The following LRRK2 variants were observed in gnomAD, a reference collection of about 807,000 sequenced individuals.
The protein encoded by LRRK2 is leucine rich repeat kinase 2.
Under a neutral mutation model 302.6 loss-of-function variants are expected in LRRK2, and 203 were observed. The ratio of observed to expected loss-of-function variants is 0.67; its 90% CI spans 0.60 to 0.75. The LOEUF (loss-of-function observed/expected upper bound fraction) is 0.75, where lower values mean the gene tolerates loss of function less well. Among genes scored for constraint, LRRK2 ranks in the 30% least tolerant of loss-of-function variants. The probability of loss-of-function intolerance (pLI) is 0.00; values close to 1 mark genes in which losing one functional copy is unlikely to be tolerated. For synonymous variants in LRRK2, 1,066 were observed against 1,031.9 expected (o/e 1.03, Z -0.63); for missense variants, 2,830 against 2,951.0 (o/e 0.96, Z 0.95).
chr12:40,367,388 TTTA>T (rs1356718027), intron 50 of LRRK2: 1 of 402,444 alleles, frequency 2.5e-6, no homozygotes, highest in East Asian at 4.4e-5. Context: ...TGAAAAAGCT[TTTA>T]TTTCTTTTAG....
At chr12:40,249,709 T>G in intron 7 of LRRK2, 117 bp from the exon 8 acceptor site, 1 of 1,187,326 alleles carries the variant, frequency 8.4e-7, no homozygotes, top group Non-Finnish European at 1.2e-6. Context: ...AGTAAATGTT[T>G]TAATGCCATT....
chr12:40,306,566 C>T (rs1326667855), intron 28 of LRRK2, among the ~76,000 whole-genome samples: 1 of 152,078 alleles, frequency 6.6e-6, no homozygotes, highest in African/African-American at 2.4e-5. Context: ...GGTCTTATTA[C>T]TTTCTCATAA....
intron 28 of LRRK2, 115 bp from the exon 29 acceptor site, chr12:40,308,352 A>G (rs1016356136): frequency 4.0e-6 from 3 of 743,538 alleles, no homozygotes; most frequent in African/African-American, 1.8e-5. Flanking sequence ...TATATGAGAT[A>G]TGCACTCTTC....
chr12:40,289,430 G>T (rs918878992), intron 20 of LRRK2, among the ~76,000 whole-genome samples: 2 of 150,726 alleles, frequency 1.3e-5, no homozygotes, highest in Non-Finnish European at 3.0e-5. Context: ...CTAACTTTAT[G>T]CTGGGATTTT....
intron 18 of LRRK2, among the ~76,000 whole-genome samples, chr12:40,279,727 T>G (rs780705092): frequency 6.6e-6 from 1 of 152,224 alleles, no homozygotes; most frequent in Non-Finnish European, 1.5e-5. Context: ...ACTTTATTCC[T>G]CTTTCCATAT....
chr12:40,346,188 T>C (rs1433173077), intron 41 of LRRK2, among the ~76,000 whole-genome samples: 1 of 9,580 alleles, frequency 1.0e-4, no homozygotes, highest in Non-Finnish European at 7.5e-4. Flanking sequence ...GAGAGAAGGC[T>C]TTTTTTTTTG....
At chr12:40,235,881 G>A (rs1592140439) in intron 4 of LRRK2, among the ~76,000 whole-genome samples, 167 bp downstream of exon 4, 1 of 148,478 alleles carries the variant, frequency 6.7e-6, no homozygotes, top group African/African-American at 2.5e-5. Flanking sequence ...CCTAGTGATG[G>A]GACAGCCATA....
intron 40 of LRRK2, among the ~76,000 whole-genome samples, chr12:40,336,457 G>T (rs190844553): frequency 6.6e-6 from 1 of 152,056 alleles, no homozygotes; most frequent in African/African-American, 2.4e-5. Flanking sequence ...GGGACTTTTC[G>T]TCTTGTTTGC....
Position 40,338,177 on chromosome 12 carries a change from C to T in LRRK2, c.5949-2117C>T, listed in dbSNP as rs149087827. Among the ~76,000 whole-genome samples the T allele has an allele frequency of 1.7e-4, 26 of 152,224 alleles. No homozygotes were observed. In the East Asian group the frequency reaches 5.0e-3, roughly 29 times the overall value. ...TTTCTCCCTCTGTGCTTCCCTAGCA[C>T]GTGGTACTTACATATTTCTGGAATC... is the stretch of plus-strand genomic sequence containing the variant. On this transcript the variant is annotated intron_variant, in intron 40 of 50. Coordinates refer to ENST00000298910, the MANE Select transcript of LRRK2 (RefSeq NM_198578.4).
At chr12:40,292,373 C>T (rs2136699801) in intron 20 of LRRK2, among the ~76,000 whole-genome samples, 1 of 151,928 alleles carries the variant, frequency 6.6e-6, no homozygotes, top group East Asian at 1.9e-4. Context: ...TCTATCATGC[C>T]TGAAAGAACT....
At chr12:40,263,981 C>G (rs1205454497) in intron 14 of LRRK2, 80 bp downstream of exon 14, 6 of 986,842 alleles carry the variant, frequency 6.1e-6, no homozygotes, top group Non-Finnish European at 7.9e-6. Context: ...CTTTTTCAGT[C>G]TAAGTTTTCT....
intron 25 of LRRK2, among the ~76,000 whole-genome samples, chr12:40,302,352 C>G (rs1944662880): frequency 6.6e-6 from 1 of 152,048 alleles, no homozygotes; most frequent in South Asian, 2.1e-4. Context: ...ATAGAACACT[C>G]TTTATGAGCT....
At position 40,364,990 on chromosome 12, in the gene LRRK2, C is replaced by G; in HGVS notation, c.7330C>G (p.Leu2444Val). Residue 2444 changes from leucine to valine, a missense_variant, in exon 49 of 51, where the codon CTT becomes GTT. By Grantham distance (32) the Leu-to-Val change is conservative. Around this residue, in one of 3 missense-constraint regions of LRRK2, gnomAD observed 456 missense variants for 456.3 expected, o/e 1.00. Transcript: ENST00000298910. ...ACTCCTGGATCTTTCAACTCGTCGA[C>G]TTATACGTGTAATTTACAACTTTTG... Reference protein sequence around the residue: ...ILLLDLSTRRLIRVIYNFCNS... With the variant: ...ILLLDLSTRRVIRVIYNFCNS... 1 of 1,612,632 alleles carries G rather than the reference C, an allele frequency of 6.2e-7. No individual in the cohort carries two copies. Among genetic ancestry groups the G allele is most frequent in the Non-Finnish European group, 8.5e-7 (1 of 1,179,078 alleles).
chr12:40,232,350 T>C lies in LRRK2; in HGVS notation c.314T>C (p.Val105Ala), dbSNP rs1359509421. Residue 105 changes from valine (V) to alanine (A), a missense_variant, in exon 3 of 51, where the codon GTT (valine) becomes GCT (alanine). Val to Ala is a moderately conservative substitution (Grantham distance 64). Coordinates refer to ENST00000298910, the MANE Select transcript of LRRK2 (RefSeq NM_198578.4). ...CAAAGCTTAATGGGACCCCAGGATG[T>C]TGGAAATGATTGGGAAGTCCTTGGT... is the stretch of plus-strand genomic sequence containing the variant. ...TMQSLMGPQD[V>A]GNDWEVLGVH... 6 of 1,613,874 alleles carry C rather than the reference T, an allele frequency of 3.7e-6. No individual in the cohort carries two copies. The highest frequency in any genetic ancestry group is 2.2e-5 in the South Asian group (2 of 91,084).
At position 40,259,522 on chromosome 12, in the gene LRRK2, A is replaced by G. The variant is rs1314220685; in HGVS notation, c.1461A>G (p.Ile487Met). The G allele has an allele frequency of 1.2e-6, 2 of 1,613,392 alleles. No homozygotes were observed. Among genetic ancestry groups the G allele is most frequent in the South Asian group, 1.1e-5 (1 of 91,078 alleles). ...LDIMAAVVPK[I>M]LTVMKRHETS... ...TAATGGCAGCAGTGGTCCCCAAAAT[A>G]CTAACAGTTATGAAACGTCATGAGA... The change falls in exon 13 of 51, where the codon ATA becomes ATG. Residue 487 changes from isoleucine (I) to methionine (M), a missense_variant. Physicochemically the swap from Ile to Met is conservative, Grantham distance 10 (BLOSUM62 1). Transcript: ENST00000298910.
intron 25 of LRRK2, among the ~76,000 whole-genome samples, chr12:40,301,942 G>A (rs1304589971): frequency 6.6e-6 from 1 of 152,146 alleles, no homozygotes; most frequent in Non-Finnish European, 1.5e-5. Flanking sequence ...ACTTTGGGAG[G>A]CCGGGGCGGG....
At chr12:40,334,574 A>C (rs1945810246) in intron 39 of LRRK2, among the ~76,000 whole-genome samples, 1 of 152,234 alleles carries the variant, frequency 6.6e-6, no homozygotes, top group East Asian at 1.9e-4. Flanking sequence ...AAAAATCATA[A>C]TGAAGAGAAA....
intron 14 of LRRK2, among the ~76,000 whole-genome samples, chr12:40,268,180 G>T (rs1943099883): frequency 6.6e-6 from 1 of 152,276 alleles, no homozygotes; most frequent in South Asian, 2.1e-4. Flanking sequence ...ATTGTTTCCA[G>T]AGAGCAAAAT....
At chr12:40,269,330 A>G (rs1458218373) in intron 14 of LRRK2, among the ~76,000 whole-genome samples, 2 of 152,144 alleles carry the variant, frequency 1.3e-5, no homozygotes, top group African/African-American at 4.8e-5. Context: ...ATTCTGGCAT[A>G]GTATTTAGTA....
Sources: allele counts gnomAD v4.1 joint callset (sites outside exome capture counted in the v4.1 genomes callset), GRCh38; gene constraint gnomAD v4.1.1; regional missense constraint gnomAD v4.1.1; transcripts MANE v1.5; gene names NCBI Gene and HGNC (gene_info 2026-07-23, HGNC 2026-07-21).